The following TMEM181 variants were observed in gnomAD, a reference collection of about 807,000 sequenced individuals.
TMEM181 encodes the protein transmembrane protein 181, also known as G protein-coupled receptor 178.
Under a neutral mutation model 71.9 loss-of-function variants are expected in TMEM181, and 39 were observed. That is an observed-to-expected ratio of 0.54 (90% confidence interval 0.42 to 0.71). The LOEUF is 0.71. TMEM181 is among the 30% of genes least tolerant of loss of function. The pLI is 0.00. For synonymous variants in TMEM181, 245 were observed against 228.8 expected, an observed-to-expected ratio of 1.07 and a Z score of -0.64; for missense variants, 595 against 583.0, an observed-to-expected ratio of 1.02 and a Z score of -0.21.
At chr6:158,537,560 C>T (rs897792163) in intron 1 of TMEM181, among the ~76,000 whole-genome samples, 1 of 152,070 alleles carries the variant, frequency 6.6e-6, no homozygotes, top group Admixed American at 6.5e-5. Flanking sequence ...CTCTGCAGTT[C>T]GGAGGGGAAG....
intron 6 of TMEM181, among the ~76,000 whole-genome samples, chr6:158,595,074 TG>T (rs1784320301): frequency 6.6e-6 from 1 of 152,224 alleles, no homozygotes; most frequent in Admixed American, 6.5e-5. Context: ...GTGAAAGCCA[TG>T]GGATGCATTG....
intron 1 of TMEM181, among the ~76,000 whole-genome samples, chr6:158,540,104 G>A (rs1025458040): frequency 1.3e-5 from 2 of 152,112 alleles, no homozygotes; most frequent in Non-Finnish European, 2.9e-5. Flanking sequence ...AATCATTTGG[G>A]CTACTGCTTC....
intron 1 of TMEM181, among the ~76,000 whole-genome samples, chr6:158,570,677 C>G (rs1433211030): frequency 6.6e-6 from 1 of 152,158 alleles, no homozygotes. Flanking sequence ...CTCCAACCTA[C>G]ACCAACTCCT....
intron 2 of TMEM181, among the ~76,000 whole-genome samples, chr6:158,574,689 TAGTC>T (rs1392220656): frequency 3.3e-5 from 5 of 152,238 alleles, no homozygotes; most frequent in Non-Finnish European, 7.3e-5. Flanking sequence ...AGTACTCTAT[TAGTC>T]AGAGTTGTCC....
chr6:158,605,596 C>T (rs575271333), intron 7 of TMEM181, among the ~76,000 whole-genome samples: 22 of 152,198 alleles, frequency 1.4e-4, no homozygotes, highest in Admixed American at 1.2e-3. Context: ...AAATGTTGAT[C>T]ATGTGCGGTG....
chr6:158,625,355 C>G (rs1316076041), intron 12 of TMEM181, 149 bp downstream of exon 12: 1 of 696,348 alleles, frequency 1.4e-6, no homozygotes, highest in African/African-American at 1.8e-5. Context: ...GGCACGTGGT[C>G]CCTGGGAGCC....
intron 12 of TMEM181, 129 bp downstream of exon 12, chr6:158,625,335 T>C: frequency 1.2e-6 from 1 of 801,580 alleles, no homozygotes; most frequent in East Asian, 2.5e-5. Flanking sequence ...TCCCACAGGC[T>C]GGGGACCAGG....
At chr6:158,547,534 G>A (rs775464303) in intron 1 of TMEM181, among the ~76,000 whole-genome samples, 1 of 152,190 alleles carries the variant, frequency 6.6e-6, no homozygotes, top group Non-Finnish European at 1.5e-5. Flanking sequence ...GGAGGAAAGT[G>A]CCACCAGGCA....
chr6:158,573,880 A>G (rs1237220909), intron 2 of TMEM181, among the ~76,000 whole-genome samples: 1 of 151,796 alleles, frequency 6.6e-6, no homozygotes, highest in Non-Finnish European at 1.5e-5. Flanking sequence ...GAGACAGGCC[A>G]TGGAAGAGCT....
chr6:158,548,915 G>A (rs6917872), intron 1 of TMEM181, among the ~76,000 whole-genome samples: 4,846 of 152,328 alleles, frequency 0.032, 266 homozygotes, highest in African/African-American at 0.11. Context: ...GTGTTGGGAG[G>A]CTGGTGCCTC....
intron 1 of TMEM181, among the ~76,000 whole-genome samples, chr6:158,550,346 A>C: frequency 6.7e-6 from 1 of 148,746 alleles, no homozygotes; most frequent in Non-Finnish European, 1.5e-5. Flanking sequence ...CGCCCGGCCG[A>C]GACTTGTTTC....
Position 158,620,451 on chromosome 6 carries a change from T to C in TMEM181, c.897-3099T>C, listed in dbSNP as rs1417845053. ...TAGTGTCTGATGTTGGATGTTCCAGTTGGAATCACCAAAGGGCTTCCCGAA... is the reference window on the plus strand; with the variant it reads ...TAGTGTCTGATGTTGGATGTTCCAGCTGGAATCACCAAAGGGCTTCCCGAA... On this transcript the variant is annotated intron_variant, in intron 10 of 16. Transcript: ENST00000684151. This position sits in a 1 kb window ranked among gnomAD's most constrained non-coding sequence, Gnocchi z 4.5. Among the ~76,000 whole-genome samples the C allele has an allele frequency of 3.3e-5, 5 of 151,998 alleles. No homozygotes were observed. Among genetic ancestry groups the C allele is most frequent in the African/African-American group, 1.2e-4 (5 of 41,370 alleles).
At chr6:158,628,345 T>G (rs1318482713) in intron 13 of TMEM181, 63 bp from the exon 14 acceptor site, 12 of 1,504,604 alleles carry the variant, frequency 8.0e-6, no homozygotes, top group Non-Finnish European at 1.1e-5. Context: ...TAGAGAATTC[T>G]CTGAAGCTAG....
chr6:158,610,774 T>TTGC, intron 10 of TMEM181: 2 of 313,302 alleles, frequency 6.4e-6, no homozygotes, highest in African/African-American at 2.2e-5. Context: ...TGCTGCGTCA[T>TTGC]TGCTGCTGCT....
chr6:158,553,775 C>T (rs772529360), intron 1 of TMEM181, among the ~76,000 whole-genome samples: 10 of 152,226 alleles, frequency 6.6e-5, no homozygotes, highest in African/African-American at 1.4e-4. Context: ...TGAACTAAAA[C>T]GCATTCGGGT....
intron 1 of TMEM181, among the ~76,000 whole-genome samples, chr6:158,543,813 C>A (rs1582913896): frequency 6.6e-6 from 1 of 152,188 alleles, no homozygotes; most frequent in South Asian, 2.1e-4. Context: ...ACTTCAGCAT[C>A]TTTTTGGGGA....
intron 6 of TMEM181, 137 bp from the exon 7 acceptor site, chr6:158,605,130 A>AGTGTGGGTG: frequency 4.7e-6 from 1 of 210,870 alleles, no homozygotes. Flanking sequence ...AAAAAAAAAA[A>AGTGTGGGTG]AGTGTGTGTG....
intron 10 of TMEM181, chr6:158,610,645 G>C (rs140293840): frequency 2.6e-5 from 8 of 306,354 alleles, no homozygotes; most frequent in Non-Finnish European, 5.0e-5. Flanking sequence ...AGTGAAATGA[G>C]TGAGAATTCT....
chr6:158,544,182 A>AGAGTGTGTGTGTGTGTGT (rs149735409), intron 1 of TMEM181, among the ~76,000 whole-genome samples: 36 of 127,648 alleles, frequency 2.8e-4, no homozygotes, highest in African/African-American at 1.0e-3. Flanking sequence ...AATTGGAGAG[A>AGAGTGTGTGTGTGTGTGT]GTGTGTGTGT....
Sources: allele counts gnomAD v4.1 joint callset (sites outside exome capture counted in the v4.1 genomes callset), GRCh38; gene constraint gnomAD v4.1.1; non-coding constraint Gnocchi (gnomAD v3.1); transcripts MANE v1.5; gene names NCBI Gene and HGNC (gene_info 2026-07-23, HGNC 2026-07-21).